MYH9: variants seen among roughly 807,000 people sequenced by gnomAD.
The protein encoded by MYH9 is myosin heavy chain 9.
MYH9 carries 29 observed loss-of-function variants against 241.9 expected under a neutral mutation model. That is an observed-to-expected ratio of 0.12 (90% confidence interval 0.09 to 0.16). MYH9 has a LOEUF of 0.16. MYH9 is among the 10% of genes least tolerant of loss of function. The pLI is 1.00. For synonymous variants in MYH9, 1,047 were observed against 1,062.6 expected, an observed-to-expected ratio of 0.99 and a Z score of 0.29; for missense variants, 1,803 against 2,595.5, an observed-to-expected ratio of 0.69 and a Z score of 6.63.
In MYH9 at chr22:36,296,855, G is replaced by T; in HGVS notation, c.3260C>A (p.Ala1087Asp). ...GCGGGGTCCTCACCTGGCCAGGGCG[G>T]CCTGGAGCTCCTCCTCTTTCTTGGC... ...QLAKKEEELQ[A>D]ALARVEEEAA... The change falls in exon 25 of 41, where the codon GCC becomes GAC. Residue 1087 changes from alanine (A) to aspartate (D), a missense_variant. Around this residue, in one of 11 missense-constraint regions of MYH9, gnomAD observed 290 missense variants for 360.5 expected, o/e 0.80. Coordinates refer to ENST00000216181, the MANE Select transcript of MYH9 (RefSeq NM_002473.6). 6.2e-7 allele frequency: 1 copy of T among 1,610,896 alleles called. No homozygotes were observed.
chr22:36,381,254 C>T (rs2018250871), intron 1 of MYH9, among the ~76,000 whole-genome samples: 1 of 152,102 alleles, frequency 6.6e-6, no homozygotes, highest in Non-Finnish European at 1.5e-5. Flanking sequence ...CTGGCTCATG[C>T]CTGTAATCCC....
rs542860074 is a variant in MYH9 at position 36,324,067 on chromosome 22, G to A, written c.613-1546C>T. Among the ~76,000 whole-genome samples the A allele has an allele frequency of 1.1e-3, 172 of 152,342 alleles. 8 individuals carry two copies. The South Asian group carries it at 0.034, about 30-fold the overall frequency. ...GCCAGGCTGCCAGGCTGGCTGAACC[G>A]CTCCCATTCCCGCAGACAGAAGGGA... On this transcript the variant is annotated intron_variant, in intron 5 of 40. Coordinates refer to ENST00000216181, the MANE Select transcript of MYH9 (RefSeq NM_002473.6).
intron 1 of MYH9, among the ~76,000 whole-genome samples, chr22:36,356,224 T>C (rs1366429528): frequency 6.6e-6 from 1 of 152,220 alleles, no homozygotes; most frequent in Non-Finnish European, 1.5e-5. Flanking sequence ...TTTCTCTTTC[T>C]ACTTGCGGCC....
chr22:36,288,458 G>A lies in MYH9; in HGVS notation c.4771-45C>T. The stretch of plus-strand genomic sequence containing the variant: ...CAACTTGGGAAGCTGGACCCACTGG[G>A]AGACCCTGCCCTAGCTCTGAACTCA... On this transcript the variant is annotated intron_variant, in intron 33 of 40. Coordinates refer to ENST00000216181, the MANE Select transcript of MYH9 (RefSeq NM_002473.6). The surrounding 1 kb of genome is among the most constrained non-coding windows in gnomAD (Gnocchi z 4.8). The A allele has an allele frequency of 6.2e-7, 1 of 1,601,934 alleles. No homozygotes were observed. Among genetic ancestry groups the A allele is most frequent in the Admixed American group, 1.7e-5 (1 of 60,012 alleles).
chr22:36,340,517 CG>C (rs1228856458), intron 3 of MYH9, among the ~76,000 whole-genome samples: 3 of 151,820 alleles, frequency 2.0e-5, no homozygotes, highest in Non-Finnish European at 4.4e-5. Context: ...AAAAATTAGC[CG>C]TGCATGGTGG....
intron 1 of MYH9, among the ~76,000 whole-genome samples, chr22:36,355,294 T>G (rs1166913824): frequency 6.6e-6 from 1 of 152,168 alleles, no homozygotes; most frequent in Non-Finnish European, 1.5e-5. Flanking sequence ...CAAAAACATC[T>G]TCTTTCAACC....
At chr22:36,359,563 A>G (rs975969651) in intron 1 of MYH9, among the ~76,000 whole-genome samples, 1 of 152,258 alleles carries the variant, frequency 6.6e-6, no homozygotes, top group Non-Finnish European at 1.5e-5. Flanking sequence ...CAATCTACAA[A>G]GAGAAATAGG....
At chr22:36,377,067 A>AG (rs2018180014) in intron 1 of MYH9, among the ~76,000 whole-genome samples, 1 of 151,720 alleles carries the variant, frequency 6.6e-6, no homozygotes, top group Non-Finnish European at 1.5e-5. Context: ...TACCTCAAAA[A>AG]AAAAAAAAGT....
At chr22:36,317,052 CA>C (rs2017166351) in intron 11 of MYH9, among the ~76,000 whole-genome samples, 1 of 143,222 alleles carries the variant, frequency 7.0e-6, no homozygotes, top group Admixed American at 6.8e-5. Flanking sequence ...TAAACGCGCC[CA>C]ATCTCATCAA....
chr22:36,344,703 A>G (rs1291526898), intron 2 of MYH9, among the ~76,000 whole-genome samples: 2 of 152,168 alleles, frequency 1.3e-5, no homozygotes, highest in Non-Finnish European at 2.9e-5. Flanking sequence ...GGCACTACCC[A>G]CCACGCCCAC....
At chr22:36,349,541 C>T (rs1236169412) in intron 1 of MYH9, among the ~76,000 whole-genome samples, 2 of 152,152 alleles carry the variant, frequency 1.3e-5, no homozygotes, top group Non-Finnish European at 2.9e-5. Flanking sequence ...ACCAGCCTGG[C>T]CAACCTGGTG....
chr22:36,289,613 G>A (rs1224151231), intron 31 of MYH9, among the ~76,000 whole-genome samples: 34 of 152,222 alleles, frequency 2.2e-4, no homozygotes, highest in Admixed American at 2.2e-3. Context: ...ACCTGTAAGA[G>A]CTTTGGTTCT....
chr22:36,313,088 CT>C (rs910228756), intron 13 of MYH9, among the ~76,000 whole-genome samples: 1 of 94,296 alleles, frequency 1.1e-5, no homozygotes, highest in African/African-American at 3.0e-5. Flanking sequence ...AAAAATCTGT[CT>C]CAAAAAAAAA....
Position 36,293,765 on chromosome 22 carries a change from G to A in MYH9, c.3936C>T (p.Asp1312=), listed in dbSNP as rs762794189. Residue 1312 remains aspartate, a synonymous_variant, in exon 29 of 41, where the codon GAC becomes GAT. Transcript: ENST00000216181. The surrounding 1 kb of genome is among the most constrained non-coding windows in gnomAD (Gnocchi z 5.1). ...AACCTGGCGCCACCCCTACCTGAGT[G>A]TCCTGCAGCTGGGACTCCAGCGCGG... is the stretch of plus-strand genomic sequence containing the variant. ...DFSALESQLQ[D]TQELLQEENR... is the part of the protein sequence containing the mutation. 6.2e-7 allele frequency: 1 copy of A among 1,613,744 alleles called. No homozygotes were observed. The highest frequency in any genetic ancestry group is 1.7e-5 in the Admixed American group (1 of 60,020).
intron 1 of MYH9, among the ~76,000 whole-genome samples, chr22:36,361,602 T>C (rs1013469782): frequency 6.6e-6 from 1 of 151,930 alleles, no homozygotes; most frequent in Admixed American, 6.6e-5. Context: ...GAAACCAGAA[T>C]GTGGTACATA....
intron 1 of MYH9, among the ~76,000 whole-genome samples, chr22:36,368,809 CA>C (rs2018048715): frequency 6.6e-6 from 1 of 150,962 alleles, no homozygotes; most frequent in Non-Finnish European, 1.5e-5. Flanking sequence ...TGCAGCACAA[CA>C]AAGGCTGCCC....
At chr22:36,296,398 G>A (rs1010837736) in intron 25 of MYH9, among the ~76,000 whole-genome samples, 11 of 152,022 alleles carry the variant, frequency 7.2e-5, no homozygotes, top group African/African-American at 2.7e-4. Context: ...CCACACTGGC[G>A]AATTTTTTAT....
At chr22:36,321,277 G>A (rs914114786) in intron 7 of MYH9, among the ~76,000 whole-genome samples, 1 of 152,138 alleles carries the variant, frequency 6.6e-6, no homozygotes, top group Non-Finnish European at 1.5e-5. Context: ...CTCGTCCAAA[G>A]GAACTGAACT....
Position 36,306,409 on chromosome 22 carries a change from C to T in MYH9, c.2037+5G>A, listed in dbSNP as rs778948265. 32 of 1,613,928 alleles carry T rather than the reference C, an allele frequency of 2.0e-5. No individual in the cohort carries two copies. Among genetic ancestry groups the T allele is most frequent in the Middle Eastern group, 1.6e-4 (1 of 6,084 alleles). Reference sequence around the variant, plus strand: ...TGCCCGGGCCACCCCACCAGGCAGCCGCACCTTCTTCTCGTGGTTGGGGAT... The same window carrying T: ...TGCCCGGGCCACCCCACCAGGCAGCTGCACCTTCTTCTCGTGGTTGGGGAT... On this transcript the variant is annotated splice_donor_5th_base_variant and intron_variant, in intron 16 of 40. Transcript: ENST00000216181. This position sits in a 1 kb window ranked among gnomAD's most constrained non-coding sequence, Gnocchi z 4.1.
Sources: gnomAD v4.1 joint callset for allele counts (sites outside exome capture counted in the v4.1 genomes callset) on GRCh38, gnomAD v4.1.1 for gene constraint, gnomAD v4.1.1 regional missense constraint, Gnocchi (gnomAD v3.1) non-coding constraint, MANE v1.5 for transcripts, NCBI Gene and HGNC (gene_info 2026-07-23, HGNC 2026-07-21) for gene names.